R3HDML: variants seen among roughly 807,000 people sequenced by gnomAD.
R3HDML encodes peptidase inhibitor R3HDML.
Under a neutral mutation model 24.2 loss-of-function variants are expected in R3HDML, and 21 were observed. The observed-to-expected ratio is 0.87, with a 90% CI of 0.62 to 1.25. The LOEUF (loss-of-function observed/expected upper bound fraction) is 1.25, where lower values mean the gene tolerates loss of function less well. R3HDML is among the 50% of genes most tolerant of loss of function. The probability of loss-of-function intolerance (pLI) is 0.00; values close to 1 mark genes in which losing one functional copy is unlikely to be tolerated. For synonymous variants in R3HDML, 133 were observed against 131.5 expected, an observed-to-expected ratio of 1.01 and a Z score of -0.08; for missense variants, 301 against 340.3, an observed-to-expected ratio of 0.88 and a Z score of 0.91.
At chr20:44,344,092 T>C (rs1225519902) in intron 3 of R3HDML, among the ~76,000 whole-genome samples, 3 of 152,092 alleles carry the variant, frequency 2.0e-5, no homozygotes, top group Non-Finnish European at 2.9e-5. Flanking sequence ...CCATCCTGGC[T>C]AACACGGTGA....
Position 44,337,093 on chromosome 20 carries a change from G to T in R3HDML, c.-65G>T. On this transcript the variant is annotated 5_prime_UTR_variant, in exon 1 of 5. Coordinates refer to ENST00000217043, the MANE Select transcript of R3HDML (RefSeq NM_178491.4). This position sits in a 1 kb window ranked among gnomAD's most constrained non-coding sequence, Gnocchi z 4.7. ...AACGCTCAGGGTCTGGTGCTCTCGT[G>T]CCTGCCCCTTCCAGGCAGCCGGCTC... 1 of 1,551,748 alleles carries T rather than the reference G, an allele frequency of 6.4e-7. No homozygotes were observed. Among genetic ancestry groups the T allele is most frequent in the Middle Eastern group, 1.7e-4 (1 of 5,736 alleles).
intron 4 of R3HDML, among the ~76,000 whole-genome samples, chr20:44,346,927 AG>A (rs1328708199): frequency 1.3e-5 from 2 of 152,226 alleles, no homozygotes; most frequent in Admixed American, 1.3e-4. Flanking sequence ...GAATCACCTG[AG>A]GTTAGGAGTT....
chr20:44,342,206 A>C (rs2062773996), intron 2 of R3HDML, among the ~76,000 whole-genome samples: 1 of 152,226 alleles, frequency 6.6e-6, no homozygotes, highest in Non-Finnish European at 1.5e-5. Flanking sequence ...TTTGCCAAAT[A>C]AGGATGTCAG....
chr20:44,339,468 C>T (rs1053408986), intron 1 of R3HDML, among the ~76,000 whole-genome samples: 9 of 151,946 alleles, frequency 5.9e-5, no homozygotes, highest in African/African-American at 2.2e-4. Context: ...TGGAAAATTA[C>T]AAAACTGTTA....
Sources: allele counts gnomAD v4.1 joint callset (sites outside exome capture counted in the v4.1 genomes callset), GRCh38; gene constraint gnomAD v4.1.1; non-coding constraint Gnocchi (gnomAD v3.1); transcripts MANE v1.5; gene names NCBI Gene and HGNC (gene_info 2026-07-23, HGNC 2026-07-21).